The following BACH2 variants were observed in gnomAD, a reference collection of about 807,000 sequenced individuals.
The protein encoded by BACH2 is transcription regulator protein BACH2.
BACH2 carries 5 observed loss-of-function variants against 61.8 expected under a neutral mutation model. The ratio of observed to expected loss-of-function variants is 0.08; its 90% CI spans 0.04 to 0.17. BACH2 has a LOEUF of 0.17. BACH2 is among the 10% of genes least tolerant of loss of function. BACH2 has a pLI of 1.00. For synonymous variants in BACH2, 446 were observed against 440.1 expected, an observed-to-expected ratio of 1.01 and a Z score of -0.17; for missense variants, 824 against 1,091.1, an observed-to-expected ratio of 0.76 and a Z score of 3.45.
chr6:90,096,495 A>C (rs1341422939), intron 4 of BACH2, among the ~76,000 whole-genome samples: 6 of 152,240 alleles, frequency 3.9e-5, no homozygotes, highest in African/African-American at 1.4e-4. Flanking sequence ...TGTAAGACCC[A>C]CAGCAGCAGG....
At chr6:89,979,134 T>A (rs1483882741) in intron 6 of BACH2, among the ~76,000 whole-genome samples, 1 of 152,162 alleles carries the variant, frequency 6.6e-6, no homozygotes, top group Non-Finnish European at 1.5e-5. Flanking sequence ...TGGACAGAAG[T>A]GTGGATGAAA....
intron 8 of BACH2, among the ~76,000 whole-genome samples, chr6:89,937,131 C>T (rs1293274484): frequency 1.3e-5 from 2 of 152,016 alleles, no homozygotes; most frequent in Non-Finnish European, 2.9e-5. Context: ...AGTTTGTTTT[C>T]TGTGACAAAA....
chr6:90,154,083 G>A (rs117925559), intron 4 of BACH2, among the ~76,000 whole-genome samples: 244 of 152,210 alleles, frequency 1.6e-3, no homozygotes, highest in Non-Finnish European at 1.9e-3. Flanking sequence ...GCTATAGCAT[G>A]TTTTTCTCAA....
chr6:89,954,060 T>A (rs942912156), intron 6 of BACH2, among the ~76,000 whole-genome samples: 5 of 152,124 alleles, frequency 3.3e-5, no homozygotes, highest in East Asian at 1.9e-4. Flanking sequence ...CTGAAGAAGA[T>A]GACAAGAATG....
chr6:90,240,204 A>G (rs1311997395), intron 3 of BACH2, among the ~76,000 whole-genome samples: 1 of 152,190 alleles, frequency 6.6e-6, no homozygotes, highest in Admixed American at 6.5e-5. Flanking sequence ...GTAAATGAAA[A>G]AATACTGCAT....
Position 89,960,898 on chromosome 6 carries a change from T to G in BACH2, c.244-9036A>C, listed in dbSNP as rs1774705998. 1.3e-5 allele frequency among the ~76,000 whole-genome samples: 2 copies of G among 152,210 alleles called. 1 individual carries two copies. Among genetic ancestry groups the G allele is most frequent in the South Asian group, 4.1e-4 (2 of 4,832 alleles). On this transcript the variant is annotated intron_variant, in intron 6 of 8. Transcript: ENST00000257749. ...TATGGGGCTATATAATGGCTGAAAC[T>G]GCCCCTTAGGTATTTCTTTGGTTGT...
At chr6:90,211,671 T>C (rs993043774) in intron 3 of BACH2, among the ~76,000 whole-genome samples, 1 of 150,136 alleles carries the variant, frequency 6.7e-6, no homozygotes, top group East Asian at 2.0e-4. Context: ...TACTGCCAAA[T>C]ACTGAATGGA....
chr6:90,038,729 C>CT (rs1488279395), intron 5 of BACH2, among the ~76,000 whole-genome samples: 1 of 151,638 alleles, frequency 6.6e-6, no homozygotes, highest in African/African-American at 2.4e-5. Flanking sequence ...GATCTTTGTC[C>CT]TTTTTTTTAC....
At chr6:90,084,813 G>A (rs1227145709) in intron 5 of BACH2, among the ~76,000 whole-genome samples, 1 of 151,912 alleles carries the variant, frequency 6.6e-6, no homozygotes, top group Non-Finnish European at 1.5e-5. Flanking sequence ...TATATATACT[G>A]GTATCTTAAG....
intron 5 of BACH2, among the ~76,000 whole-genome samples, chr6:90,011,919 CA>C (rs1162835089): frequency 1.8e-4 from 22 of 120,976 alleles, no homozygotes; most frequent in East Asian, 5.1e-4. Flanking sequence ...GACTCTGTCT[CA>C]AAAAAAAAAA....
chr6:90,235,314 T>C (rs1770223536), intron 3 of BACH2, among the ~76,000 whole-genome samples: 1 of 152,204 alleles, frequency 6.6e-6, no homozygotes, highest in South Asian at 2.1e-4. Context: ...TCACTTAACA[T>C]CTTTGCTCTC....
chr6:90,188,930 T>C (rs113191185), intron 4 of BACH2, among the ~76,000 whole-genome samples: 8,169 of 152,230 alleles, frequency 0.054, 420 homozygotes, highest in Non-Finnish European at 0.079. Flanking sequence ...TAATAGTGAA[T>C]TATACATAGC....
chr6:89,932,641 T>A lies in BACH2; in HGVS notation c.2293A>T (p.Asn765Tyr). The change falls in exon 9 of 9, where the codon AAC (asparagine) becomes TAC (tyrosine). Residue 765 changes from asparagine (N) to tyrosine (Y), a missense_variant. Physicochemically the swap from Asn to Tyr is moderately radical, Grantham distance 143. Transcript: ENST00000257749. The part of the protein sequence containing the change: ...IAASQCAVGE[N>Y]VPCCLEPGAA... ...CCTGGCTCCAAGCAGCAGGGCACGT[T>A]TTCCCCCACTGCGCATTGGGAGGCC... is the stretch of plus-strand genomic sequence containing the variant. 6.2e-7 allele frequency: 1 copy of A among 1,614,042 alleles called. No homozygotes were observed. Among genetic ancestry groups the A allele is most frequent in the South Asian group, 1.1e-5 (1 of 91,058 alleles).
At chr6:90,187,630 TCA>T (rs1768407290) in intron 4 of BACH2, among the ~76,000 whole-genome samples, 1 of 152,162 alleles carries the variant, frequency 6.6e-6, no homozygotes, top group African/African-American at 2.4e-5. Context: ...CCACTCAAAC[TCA>T]TAAAAGCCAG....
chr6:90,269,207 C>A (rs1485983731), intron 2 of BACH2, among the ~76,000 whole-genome samples: 1 of 151,596 alleles, frequency 6.6e-6, no homozygotes, highest in Non-Finnish European at 1.5e-5. Context: ...CGTGCAGATT[C>A]TATTTAATAA....
chr6:90,206,619 G>A lies in BACH2; in HGVS notation c.-212C>T, dbSNP rs1426726533. Reference sequence around the variant, plus strand: ...CAAGGGATCAGACATGTCACAGTGCGAGGAAGTTCTTGAAGATTCTCCTCA... The same window carrying A: ...CAAGGGATCAGACATGTCACAGTGCAAGGAAGTTCTTGAAGATTCTCCTCA... On this transcript the variant is annotated 5_prime_UTR_variant, in exon 4 of 9. Coordinates refer to ENST00000257749, the MANE Select transcript of BACH2 (RefSeq NM_021813.4). 1 of 152,400 alleles carries A rather than the reference G, an allele frequency of 6.6e-6. No homozygotes were observed. Among genetic ancestry groups the A allele is most frequent in the African/African-American group, 2.4e-5 (1 of 41,452 alleles). The allele number at this position is 152,400 out of a possible 1,614,324, so 9.4% of individuals were successfully genotyped here. A position where few individuals can be genotyped will look rare whatever the true frequency, so the allele number is the denominator to read the frequency against.
chr6:90,097,342 C>T (rs1490432993), intron 4 of BACH2, among the ~76,000 whole-genome samples: 1 of 152,172 alleles, frequency 6.6e-6, no homozygotes, highest in Non-Finnish European at 1.5e-5. Context: ...ATCACTGAGT[C>T]CCACTGTCTC....
chr6:90,295,689 C>G (rs148943726), intron 1 of BACH2, among the ~76,000 whole-genome samples: 3 of 146,514 alleles, frequency 2.0e-5, no homozygotes, highest in Non-Finnish European at 3.0e-5. Context: ...GTGTGTTGCA[C>G]CTTGACTTCA....
rs968460655 is a variant in BACH2, at chr6:90,008,259, C to G, written c.243+343G>C. ...GGAAATCTAGTGATCCTTACACCATCTGAAAGACAGAAATCATAGCAATGA... is the reference window on the plus strand; with the variant it reads ...GGAAATCTAGTGATCCTTACACCATGTGAAAGACAGAAATCATAGCAATGA... On this transcript the variant is annotated intron_variant, in intron 6 of 8. Transcript: ENST00000257749. This position sits in a 1 kb window ranked among gnomAD's most constrained non-coding sequence, Gnocchi z 4.1. 6.3e-5 allele frequency: 20 copies of G among 316,470 alleles called. No individual in the cohort carries two copies. The Admixed American group carries it at 8.6e-4, about 14-fold the overall frequency. 19.6% of individuals were successfully genotyped at this position (316,470 alleles called of 1,614,324 possible). A position where few individuals can be genotyped will look rare whatever the true frequency, so the allele number is the denominator to read the frequency against.
Sources: allele counts gnomAD v4.1 joint callset (sites outside exome capture counted in the v4.1 genomes callset), GRCh38; gene constraint gnomAD v4.1.1; non-coding constraint Gnocchi (gnomAD v3.1); transcripts MANE v1.5; gene names NCBI Gene and HGNC (gene_info 2026-07-23, HGNC 2026-07-21).